The following CNTNAP5 variants were observed in gnomAD, a reference collection of about 807,000 sequenced individuals.
CNTNAP5 encodes contactin-associated protein-like 5.
CNTNAP5 carries 72 observed loss-of-function variants against 150.2 expected under a neutral mutation model. That is an observed-to-expected ratio of 0.48 (90% CI 0.40 to 0.58). The LOEUF is 0.58. Among genes scored for constraint, CNTNAP5 ranks in the 20% least tolerant of loss-of-function variants. The pLI is 0.00. For synonymous variants in CNTNAP5, 672 were observed against 619.8 expected (o/e 1.08, Z -1.25); for missense variants, 1,636 against 1,626.2 (o/e 1.01, Z -0.10).
intron 3 of CNTNAP5, among the ~76,000 whole-genome samples, chr2:124,343,582 A>G (rs527633530): frequency 9.8e-5 from 15 of 152,320 alleles, no homozygotes; most frequent in African/African-American, 3.6e-4. Flanking sequence ...AGTGACAATA[A>G]AAAGATTTCA....
chr2:124,553,503 C>CAA (rs34211914), intron 10 of CNTNAP5, among the ~76,000 whole-genome samples: 35,995 of 118,986 alleles, frequency 0.3, 5,433 homozygotes, highest in Non-Finnish European at 0.37. Flanking sequence ...GACTCTGTCT[C>CAA]AAAAAAAAAA....
At chr2:124,684,697 A>G (rs1250001157) in intron 13 of CNTNAP5, among the ~76,000 whole-genome samples, 1 of 152,198 alleles carries the variant, frequency 6.6e-6, no homozygotes, top group African/African-American at 2.4e-5. Context: ...AGAAAAATCT[A>G]TGCAATACTC....
At chr2:124,669,920 C>T (rs553072382) in intron 13 of CNTNAP5, among the ~76,000 whole-genome samples, 26 of 152,264 alleles carry the variant, frequency 1.7e-4, no homozygotes, top group Non-Finnish European at 2.4e-4. Flanking sequence ...ATTGCTTCTT[C>T]TCAAACACCT....
intron 13 of CNTNAP5, among the ~76,000 whole-genome samples, chr2:124,702,040 T>G (rs936380531): frequency 1.1e-4 from 17 of 152,068 alleles, no homozygotes; most frequent in Admixed American, 2.6e-4. Context: ...CTTTATGACT[T>G]ATCAGATATC....
At chr2:124,214,189 C>A (rs1686094895) in intron 1 of CNTNAP5, among the ~76,000 whole-genome samples, 1 of 152,196 alleles carries the variant, frequency 6.6e-6, no homozygotes, top group African/African-American at 2.4e-5. Context: ...GGAGTCAGGC[C>A]TGCTGCTGCT....
At chr2:124,161,711 AAAAAG>A (rs1300065192) in intron 1 of CNTNAP5, among the ~76,000 whole-genome samples, 1 of 152,234 alleles carries the variant, frequency 6.6e-6, no homozygotes, top group East Asian at 1.9e-4. Flanking sequence ...GCAGATCAAA[AAAAAG>A]AAAAGGACAA....
intron 13 of CNTNAP5, among the ~76,000 whole-genome samples, chr2:124,659,525 A>G (rs1402223877): frequency 6.6e-6 from 1 of 152,148 alleles, no homozygotes; most frequent in Non-Finnish European, 1.5e-5. Flanking sequence ...TCTGCATTTC[A>G]TTTTCTTCTC....
intron 12 of CNTNAP5, among the ~76,000 whole-genome samples, chr2:124,625,353 G>T (rs1433002017): frequency 6.6e-6 from 1 of 152,036 alleles, no homozygotes; most frequent in Admixed American, 6.5e-5. Context: ...GTTTTCTAAA[G>T]CATGAGCTGG....
intron 3 of CNTNAP5, among the ~76,000 whole-genome samples, chr2:124,254,394 G>T (rs1459155317): frequency 2.0e-5 from 3 of 152,162 alleles, no homozygotes; most frequent in Non-Finnish European, 4.4e-5. Flanking sequence ...GGCTCTGCTG[G>T]TAAGGGGGGC....
At chr2:124,270,467 G>T (rs1039582402) in intron 3 of CNTNAP5, among the ~76,000 whole-genome samples, 1 of 152,132 alleles carries the variant, frequency 6.6e-6, no homozygotes, top group Admixed American at 6.6e-5. Flanking sequence ...CAAAAATAAA[G>T]CTCCTAGGTC....
chr2:124,516,061 A>G (rs141209735), intron 8 of CNTNAP5, among the ~76,000 whole-genome samples: 2 of 152,288 alleles, frequency 1.3e-5, no homozygotes, highest in African/African-American at 4.8e-5. Flanking sequence ...GGGATAAGGA[A>G]TAGAACAAAA....
chr2:124,864,596 CACAG>C (rs1677591915), intron 19 of CNTNAP5, among the ~76,000 whole-genome samples: 1 of 147,838 alleles, frequency 6.8e-6, no homozygotes, highest in Non-Finnish European at 1.5e-5. Flanking sequence ...CACACACACA[CACAG>C]AATTGATACA....
At chr2:124,557,864 G>A (rs1695796519) in intron 10 of CNTNAP5, among the ~76,000 whole-genome samples, 1 of 152,120 alleles carries the variant, frequency 6.6e-6, no homozygotes, top group South Asian at 2.1e-4. Context: ...GAGAATTCCA[G>A]TGCAAGAACC....
intron 7 of CNTNAP5, among the ~76,000 whole-genome samples, chr2:124,491,338 C>T (rs1694020069): frequency 6.6e-6 from 1 of 152,066 alleles, no homozygotes; most frequent in African/African-American, 2.4e-5. Context: ...ATAATGACCT[C>T]CTGATTTATT....
At position 124,485,612 on chromosome 2, in the gene CNTNAP5, C is replaced by CAA. The variant is rs576700912; in HGVS notation, c.1062+10751_1062+10752dup. On this transcript the variant is annotated intron_variant, in intron 7 of 23. Coordinates refer to ENST00000682447, the MANE Select transcript of CNTNAP5 (RefSeq NM_001367498.1). ...TGGGCGACACAGAAAGACTCTGTCTCAAAAAAAAAAAAAAAAAAAAAAGAA... is the reference window on the plus strand; with the variant it reads ...TGGGCGACACAGAAAGACTCTGTCTCAAAAAAAAAAAAAAAAAAAAAAAAGAA... Among the ~76,000 whole-genome samples the CAA allele has an allele frequency of 1.7e-3, 87 of 52,304 alleles. 2 individuals carry two copies. The highest frequency in any genetic ancestry group is 0.018 in the Middle Eastern group (1 of 56). The allele number at this position is 52,304 out of a possible 152,430, so 34.3% of individuals were successfully genotyped here.
intron 18 of CNTNAP5, among the ~76,000 whole-genome samples, chr2:124,790,371 G>C (rs537775210): frequency 2.6e-5 from 4 of 152,068 alleles, no homozygotes; most frequent in African/African-American, 9.7e-5. Flanking sequence ...CCCTGCCCAC[G>C]GCCAAAAAGT....
intron 1 of CNTNAP5, among the ~76,000 whole-genome samples, chr2:124,112,001 C>T (rs956991983): frequency 2.0e-5 from 3 of 152,118 alleles, no homozygotes; most frequent in African/African-American, 4.8e-5. Flanking sequence ...CATGGGAGTA[C>T]CCCATCTATG....
At chr2:124,892,420 C>A (rs777089815) in intron 21 of CNTNAP5, among the ~76,000 whole-genome samples, 12 of 152,092 alleles carry the variant, frequency 7.9e-5, no homozygotes, top group Non-Finnish European at 1.6e-4. Flanking sequence ...ACATCTGGGT[C>A]ACTGAAACCA....
chr2:124,121,651 T>A (rs1683564748), intron 1 of CNTNAP5, among the ~76,000 whole-genome samples: 1 of 152,118 alleles, frequency 6.6e-6, no homozygotes, highest in Admixed American at 6.5e-5. Context: ...ATGGGAAAAT[T>A]ATGAGGTATT....
Sources: gnomAD v4.1 joint callset for allele counts (sites outside exome capture counted in the v4.1 genomes callset) on GRCh38, gnomAD v4.1.1 for gene constraint, MANE v1.5 for transcripts, NCBI Gene and HGNC (gene_info 2026-07-23, HGNC 2026-07-21) for gene names.